SLC25A12: variants seen among roughly 807,000 people sequenced by gnomAD.
SLC25A12 encodes solute carrier family 25 member 12, also known as electrogenic aspartate/glutamate antiporter SLC25A12, mitochondrial.
In SLC25A12, 32 loss-of-function variants were observed where a neutral mutation model predicts 83.3. That is an observed-to-expected ratio of 0.38 (90% CI 0.29 to 0.52). The LOEUF (loss-of-function observed/expected upper bound fraction) is 0.52. Among genes scored for constraint, SLC25A12 ranks in the 20% least tolerant of loss-of-function variants. The pLI, the probability that SLC25A12 is intolerant of heterozygous loss-of-function variation, is 0.84. For missense variants in SLC25A12, 611 were observed against 835.6 expected, an observed-to-expected ratio of 0.73 and a Z score of 3.31; for synonymous variants, 267 against 291.1, an observed-to-expected ratio of 0.92 and a Z score of 0.84.
intron 14 of SLC25A12, among the ~76,000 whole-genome samples, chr2:171,792,146 C>T (rs1290467315): frequency 6.6e-6 from 1 of 151,990 alleles, no homozygotes; most frequent in African/African-American, 2.4e-5. Context: ...AAATCATTAC[C>T]CAGGGGCAGC....
intron 9 of SLC25A12, among the ~76,000 whole-genome samples, chr2:171,817,060 G>A (rs1363967137): frequency 6.6e-6 from 1 of 152,074 alleles, no homozygotes; most frequent in Non-Finnish European, 1.5e-5. Flanking sequence ...TTATAACAAG[G>A]ATATAACAAG....
intron 15 of SLC25A12, among the ~76,000 whole-genome samples, chr2:171,789,464 G>A (rs562755652): frequency 2.0e-4 from 30 of 152,170 alleles, no homozygotes; most frequent in East Asian, 1.4e-3. Context: ...TCCTGACCTC[G>A]TGATCTGCCC....
At chr2:171,894,010 T>C (rs947514565) in intron 1 of SLC25A12, among the ~76,000 whole-genome samples, 193 bp downstream of exon 1, 5 of 151,856 alleles carry the variant, frequency 3.3e-5, no homozygotes, top group Non-Finnish European at 5.9e-5. Context: ...TCCCTCCTCC[T>C]TCCCCTCCCC....
intron 15 of SLC25A12, among the ~76,000 whole-genome samples, chr2:171,790,965 G>A (rs892320449): frequency 6.6e-6 from 1 of 152,096 alleles, no homozygotes. Context: ...GTCTAATGAG[G>A]GCAATGGTAG....
rs1573979847 is a variant in SLC25A12, at chr2:171,848,393, G to C, written c.326-3885C>G. On this transcript the variant is annotated intron_variant, in intron 4 of 17. Transcript: ENST00000422440. ...GCCACTACAACCAACTTATAGGCTT[G>C]AGACCAAACATTCTTATTGTCAGGG... The C allele has an allele frequency of 1.9e-5, 8 of 410,862 alleles. No homozygotes were observed. The East Asian group carries it at 5.1e-4, about 26-fold the overall frequency. 25.5% of individuals were successfully genotyped at this position (410,862 alleles called of 1,614,324 possible).
intron 6 of SLC25A12, 49 bp downstream of exon 6, chr2:171,837,072 T>C: frequency 6.3e-7 from 1 of 1,599,060 alleles, no homozygotes; most frequent in Non-Finnish European, 8.6e-7. Flanking sequence ...ACTCAATGGA[T>C]CAAAAGGTTT....
intron 2 of SLC25A12, among the ~76,000 whole-genome samples, chr2:171,886,727 G>A (rs866415283): frequency 6.6e-6 from 1 of 151,966 alleles, no homozygotes; most frequent in Non-Finnish European, 1.5e-5. Context: ...AGCCAGGATG[G>A]TCTCAATCTC....
intron 3 of SLC25A12, among the ~76,000 whole-genome samples, chr2:171,866,828 C>T (rs1319467358): frequency 6.7e-6 from 1 of 150,274 alleles, no homozygotes; most frequent in South Asian, 2.1e-4. Flanking sequence ...CCCCACCTCC[C>T]TCCCGGACGG....
rs762189046 is a variant in SLC25A12 at position 171,791,568 on chromosome 2, G to T, written c.1468C>A (p.Arg490=). Residue 490 remains arginine, a synonymous_variant, in exon 15 of 18, where the codon CGA becomes AGA. Transcript: ENST00000422440. Reference sequence around the variant, plus strand: ...TAGATTGCAGAGAAGGGAATGTCTCGGAGGAAACACGCTTTGGCACCCTGT... The same window carrying T: ...TAGATTGCAGAGAAGGGAATGTCTCTGAGGAAACACGCTTTGGCACCCTGT... ...LYKGAKACFL[R]DIPFSAIYFP... 5.0e-6 allele frequency: 8 copies of T among 1,613,850 alleles called. No homozygotes were observed. The highest frequency in any genetic ancestry group is 6.8e-6 in the Non-Finnish European group (8 of 1,179,866).
chr2:171,787,465 T>G (rs1367799911), intron 17 of SLC25A12, 106 bp downstream of exon 17: 1 of 909,006 alleles, frequency 1.1e-6, no homozygotes, highest in African/African-American at 1.6e-5. Flanking sequence ...TTAAAGGTTC[T>G]GTCTTATCAG....
intron 2 of SLC25A12, among the ~76,000 whole-genome samples, chr2:171,883,862 T>G: frequency 6.6e-6 from 1 of 152,104 alleles, no homozygotes; most frequent in South Asian, 2.1e-4. Flanking sequence ...TTTGTTTTGT[T>G]TTTTGTTTTG....
intron 5 of SLC25A12, among the ~76,000 whole-genome samples, chr2:171,840,040 G>A (rs1333481848): frequency 6.6e-6 from 1 of 152,144 alleles, no homozygotes; most frequent in Non-Finnish European, 1.5e-5. Flanking sequence ...AAAAAAGGTA[G>A]TAAACTGAAA....
chr2:171,890,772 T>G (rs574852129), intron 2 of SLC25A12, among the ~76,000 whole-genome samples: 2 of 152,132 alleles, frequency 1.3e-5, no homozygotes, highest in African/African-American at 4.8e-5. Flanking sequence ...TGTGAGCTAC[T>G]GCACTCAGCC....
At chr2:171,788,241 T>G in intron 15 of SLC25A12, 1 of 275,328 alleles carries the variant, frequency 3.6e-6, no homozygotes, top group Non-Finnish European at 6.9e-6. Flanking sequence ...AATAAGACAA[T>G]TCCCAAGCGT....
chr2:171,797,456 G>A (rs1207703289), intron 13 of SLC25A12, among the ~76,000 whole-genome samples: 1 of 152,098 alleles, frequency 6.6e-6, no homozygotes, highest in East Asian at 1.9e-4. Flanking sequence ...ATTGCCTCCT[G>A]GAAAGAGAAA....
chr2:171,887,218 CT>C (rs1439076262), intron 2 of SLC25A12, among the ~76,000 whole-genome samples: 1 of 152,220 alleles, frequency 6.6e-6, no homozygotes, highest in Non-Finnish European at 1.5e-5. Context: ...TCGCCCTTTG[CT>C]TTACATTAAC....
At chr2:171,877,672 GAAA>G (rs199971332) in intron 2 of SLC25A12, among the ~76,000 whole-genome samples, 5 of 93,192 alleles carry the variant, frequency 5.4e-5, no homozygotes, top group Non-Finnish European at 6.4e-5. Flanking sequence ...TCCATCCCAG[GAAA>G]AAAAAAAAAA....
intron 6 of SLC25A12, 114 bp from the exon 7 acceptor site, chr2:171,834,979 T>A: frequency 9.1e-7 from 1 of 1,099,398 alleles, no homozygotes; most frequent in Non-Finnish European, 1.3e-6. Flanking sequence ...TAAAATGATG[T>A]TAACAACCAG....
intron 12 of SLC25A12, 91 bp downstream of exon 12, chr2:171,810,133 G>A (rs1683919328): frequency 1.9e-6 from 2 of 1,068,114 alleles, no homozygotes; most frequent in Non-Finnish European, 2.9e-6. Context: ...GAGATTATAG[G>A]CATGAGCTAC....
Sources: allele counts gnomAD v4.1 joint callset (sites outside exome capture counted in the v4.1 genomes callset), GRCh38; gene constraint gnomAD v4.1.1; transcripts MANE v1.5; gene names NCBI Gene and HGNC (gene_info 2026-07-23, HGNC 2026-07-21).